Variants in RUBCNL observed in about 807,000 individuals in gnomAD.
RUBCNL encodes rubicon like autophagy enhancer.
In RUBCNL, 62 loss-of-function variants were observed where a neutral mutation model predicts 69.5. The observed-to-expected ratio is 0.89, with a 90% CI of 0.73 to 1.10. RUBCNL has a LOEUF of 1.10. Ranked by LOEUF, RUBCNL falls within the 50% of genes least tolerant of loss-of-function variation. The pLI is 0.00. For missense variants in RUBCNL, 768 were observed against 798.1 expected, an observed-to-expected ratio of 0.96 and a Z score of 0.45; for synonymous variants, 291 against 303.6, an observed-to-expected ratio of 0.96 and a Z score of 0.43.
In RUBCNL at chr13:46,377,898, T is replaced by C. The variant is rs1352773105; in HGVS notation, c.-131A>G. 1.9e-6 allele frequency: 3 copies of C among 1,602,328 alleles called. No homozygotes were observed. In the African/African-American group the frequency reaches 4.0e-5, roughly 21 times the overall value. On this transcript the variant is annotated 5_prime_UTR_variant, in exon 2 of 15. Coordinates refer to ENST00000429979, the MANE Select transcript of RUBCNL (RefSeq NM_025113.5). ...CCAGGTCGGACACTCACCAGGAGTATGAATTTCTCGAAGAGGCAGATTGAC... is the reference window on the plus strand; with the variant it reads ...CCAGGTCGGACACTCACCAGGAGTACGAATTTCTCGAAGAGGCAGATTGAC...
In RUBCNL at chr13:46,336,526, T is replaced by A. The variant is rs1180119918; in HGVS notation, c.*6859A>T. Among the ~76,000 whole-genome samples, 7 of 152,196 alleles carry A rather than the reference T, an allele frequency of 4.6e-5. No individual in the cohort carries two copies. The highest frequency in any genetic ancestry group is 4.6e-4 in the Admixed American group (7 of 15,272). ...AGAGATAATCACCACCACAATATGA[T>A]GAAATTCATTATAGTCTAGCTTTTC... On this transcript the variant is annotated 3_prime_UTR_variant, in exon 15 of 15. Transcript: ENST00000429979.
rs987729850 is a variant in RUBCNL at position 46,382,361 on chromosome 13, G to A, written c.-238-4356C>T. On this transcript the variant is annotated intron_variant, in intron 1 of 14. Coordinates refer to ENST00000429979, the MANE Select transcript of RUBCNL (RefSeq NM_025113.5). ...TAGATACGGGAAATACTGAATAAAT[G>A]TGTCAAAAATAGGTAAGGAGAAGAA... Among the ~76,000 whole-genome samples, 2 of 151,694 alleles carry A rather than the reference G, an allele frequency of 1.3e-5. 1 individual carries two copies. The highest frequency in any genetic ancestry group is 4.1e-4 in the South Asian group (2 of 4,822).
intron 5 of RUBCNL, among the ~76,000 whole-genome samples, chr13:46,364,284 C>T (rs1334002542): frequency 3.3e-5 from 5 of 152,034 alleles, no homozygotes; most frequent in African/African-American, 1.2e-4. Flanking sequence ...GTAGTCCCAG[C>T]TACTTGGGAG....
At chr13:46,354,978 T>C (rs577602269) in intron 10 of RUBCNL, 6 of 366,648 alleles carry the variant, frequency 1.6e-5, no homozygotes, top group South Asian at 1.0e-4. Context: ...AAGAGACATG[T>C]TCCCCACTAG....
At chr13:46,359,357 T>C in intron 9 of RUBCNL, 129 bp downstream of exon 9, 1 of 733,930 alleles carries the variant, frequency 1.4e-6, no homozygotes. Flanking sequence ...CAACTTTCCT[T>C]TCCCTAAAAC....
Position 46,368,952 on chromosome 13 carries a change from G to C in RUBCNL, c.536-137C>G, listed in dbSNP as rs142013545. 1.5e-3 allele frequency: 957 copies of C among 652,684 alleles called. 7 individuals carry two copies. The African/African-American group carries it at 0.016, about 11-fold the overall frequency. The allele number at this position is 652,684 out of a possible 1,614,324, so 40.4% of individuals were successfully genotyped here. A position where few individuals can be genotyped will look rare whatever the true frequency, so the allele number is the denominator to read the frequency against. ...ATTCTAGAATAAATTCAGATGACAG[G>C]AAAAGAAAGATCTTTCCGATGGCAG... On this transcript the variant is annotated intron_variant, in intron 3 of 14. Coordinates refer to ENST00000429979, the MANE Select transcript of RUBCNL (RefSeq NM_025113.5).
chr13:46,350,108 C>G lies in RUBCNL; in HGVS notation c.1569+5G>C, dbSNP rs753134005. ...GAGAGGGATGGGGTTGGGGCTGCGG[C>G]TCACCTTCACTCTGTCCAGCTCCTT... On this transcript the variant is annotated splice_donor_5th_base_variant and intron_variant, in intron 11 of 14. Coordinates refer to ENST00000429979, the MANE Select transcript of RUBCNL (RefSeq NM_025113.5). The G allele has an allele frequency of 6.5e-7, 1 of 1,545,426 alleles. No homozygotes were observed. Among genetic ancestry groups the G allele is most frequent in the South Asian group, 1.2e-5 (1 of 84,380 alleles).
In RUBCNL at chr13:46,340,038, T is replaced by C. The variant is rs900020400; in HGVS notation, c.*3347A>G. Reference sequence around the variant, plus strand: ...GCTTCTGGGGGCTGCCAGCAATTCTTGGTGCTCCTTGGCTTGTAGATGCAT... The same window carrying C: ...GCTTCTGGGGGCTGCCAGCAATTCTCGGTGCTCCTTGGCTTGTAGATGCAT... On this transcript the variant is annotated 3_prime_UTR_variant, in exon 15 of 15. Coordinates refer to ENST00000429979, the MANE Select transcript of RUBCNL (RefSeq NM_025113.5). Among the ~76,000 whole-genome samples, 1 of 152,032 alleles carries C rather than the reference T, an allele frequency of 6.6e-6. No homozygotes were observed. Among genetic ancestry groups the C allele is most frequent in the Non-Finnish European group, 1.5e-5 (1 of 68,002 alleles).
rs930305057 is a variant in RUBCNL, at chr13:46,342,338, G to A, written c.*1047C>T. The A allele has an allele frequency of 6.6e-6, 1 of 152,164 alleles. No homozygotes were observed. The highest frequency in any genetic ancestry group is 1.5e-5 in the Non-Finnish European group (1 of 68,036). 9.4% of individuals were successfully genotyped at this position (152,164 alleles called of 1,614,324 possible). ...GAATCCCAGGGAATGTAATGCCCAA[G>A]CCCTAGGTTGCAAACCGTTCAGTCT... is the stretch of plus-strand genomic sequence containing the variant. On this transcript the variant is annotated 3_prime_UTR_variant, in exon 15 of 15. Coordinates refer to ENST00000429979, the MANE Select transcript of RUBCNL (RefSeq NM_025113.5).
At chr13:46,345,362 G>C (rs1209465258) in intron 13 of RUBCNL, 85 bp downstream of exon 13, 2 of 1,463,088 alleles carry the variant, frequency 1.4e-6, no homozygotes, top group African/African-American at 2.8e-5. Flanking sequence ...CTCAGGGTTT[G>C]TGAGAGTTAA....
intron 7 of RUBCNL, among the ~76,000 whole-genome samples, chr13:46,361,873 C>T (rs7319024): frequency 0.14 from 21,866 of 152,002 alleles, 1,864 homozygotes; most frequent in Middle Eastern, 0.21. Context: ...CTTCGTGTCC[C>T]GAAGCACATC....
chr13:46,350,473 G>A (rs1384571166), intron 10 of RUBCNL, 122 bp from the exon 11 acceptor site: 1 of 717,420 alleles, frequency 1.4e-6, no homozygotes, highest in African/African-American at 1.8e-5. Flanking sequence ...TGATGATAAA[G>A]CCATACTCAA....
At chr13:46,376,971 CT>C (rs2049008351) in intron 2 of RUBCNL, among the ~76,000 whole-genome samples, 1 of 152,114 alleles carries the variant, frequency 6.6e-6, no homozygotes, top group Non-Finnish European at 1.5e-5. Flanking sequence ...TTATTTTTAG[CT>C]TTTTGCAGTT....
chr13:46,389,100 A>G (rs775793386), upstream of RUBCNL, among the ~76,000 whole-genome samples: 10 of 152,198 alleles, frequency 6.6e-5, no homozygotes, highest in Non-Finnish European at 1.5e-4. This position sits in a 1 kb window ranked among gnomAD's most constrained non-coding sequence, Gnocchi z 4.2. Context: ...GTGTGCTAAC[A>G]TTTTTTGAGT....
rs968930463 is a variant in RUBCNL at position 46,339,134 on chromosome 13, G to T, written c.*4251C>A. Among the ~76,000 whole-genome samples the T allele has an allele frequency of 6.6e-6, 1 of 152,064 alleles. No individual in the cohort carries two copies. Among genetic ancestry groups the T allele is most frequent in the Non-Finnish European group, 1.5e-5 (1 of 68,012 alleles). ...TTCAATCCTCAGTCCCCTTGGCTTG[G>T]AGAGCTGCCCAGATATGCGAGGATG... is the stretch of plus-strand genomic sequence containing the variant. On this transcript the variant is annotated 3_prime_UTR_variant, in exon 15 of 15. Coordinates refer to ENST00000429979, the MANE Select transcript of RUBCNL (RefSeq NM_025113.5).
chr13:46,385,845 C>CAAT (rs551907214), intron 1 of RUBCNL, among the ~76,000 whole-genome samples: 88 of 152,280 alleles, frequency 5.8e-4, no homozygotes, highest in Middle Eastern at 6.8e-3. Context: ...CTATGACCCT[C>CAAT]AATTTTCATC....
At chr13:46,365,729 G>A (rs2048739563) in intron 5 of RUBCNL, among the ~76,000 whole-genome samples, 1 of 152,162 alleles carries the variant, frequency 6.6e-6, no homozygotes, top group South Asian at 2.1e-4. Flanking sequence ...AAGGGGAATG[G>A]CACGAGATTC....
In RUBCNL at chr13:46,387,132, A is replaced by T; in HGVS notation, c.-239+2T>A. On this transcript the variant is annotated splice_donor_variant, in intron 1 of 14. Transcript: ENST00000429979. LOFTEE classifies it low-confidence loss of function (5UTR_SPLICE). ...TCTCGCCCCCGGCCCCGCCAGCCTC[A>T]CCCAGCCAAACCCGAGCGGTGGAAC... 1 of 984,620 alleles carries T rather than the reference A, an allele frequency of 1.0e-6. No individual in the cohort carries two copies. The highest frequency in any genetic ancestry group is 1.8e-5 in the African/African-American group (1 of 56,984). The allele number at this position is 984,620 out of a possible 1,614,324, so 61.0% of individuals were successfully genotyped here.
chr13:46,377,287 C>T (rs1385426655), intron 2 of RUBCNL, among the ~76,000 whole-genome samples: 1 of 152,172 alleles, frequency 6.6e-6, no homozygotes, highest in Non-Finnish European at 1.5e-5. Context: ...TTCTTTGAGA[C>T]AAGTCTCGAT....
Sources: allele counts gnomAD v4.1 joint callset (sites outside exome capture counted in the v4.1 genomes callset), GRCh38; gene constraint gnomAD v4.1.1; non-coding constraint Gnocchi (gnomAD v3.1); transcripts MANE v1.5; gene names NCBI Gene and HGNC (gene_info 2026-07-23, HGNC 2026-07-21).